RBFOX1: variants seen among roughly 807,000 people sequenced by gnomAD.
RBFOX1 encodes RNA binding protein fox-1 homolog 1.
RBFOX1 carries 8 observed loss-of-function variants against 57.7 expected under a neutral mutation model. That is an observed-to-expected ratio of 0.14 (90% CI 0.08 to 0.25). RBFOX1 has a LOEUF of 0.25. Ranked by LOEUF, RBFOX1 falls within the 10% of genes least tolerant of loss-of-function variation. RBFOX1 has a pLI of 1.00. For synonymous variants in RBFOX1, 326 were observed against 222.4 expected (o/e 1.47, Z -4.15); for missense variants, 611 against 548.5 (o/e 1.11, Z -1.14).
chr16:5,487,800 T>C (rs902070033), intron 2 of RBFOX1, among the ~76,000 whole-genome samples: 1 of 152,240 alleles, frequency 6.6e-6, no homozygotes, highest in South Asian at 2.1e-4. Flanking sequence ...AATGGAATAA[T>C]GATGATGATA....
At chr16:5,775,906 G>C (rs1340094944) in intron 3 of RBFOX1, among the ~76,000 whole-genome samples, 3 of 152,146 alleles carry the variant, frequency 2.0e-5, no homozygotes, top group Non-Finnish European at 2.9e-5. Context: ...TTTTTTAAAG[G>C]TTCTGTCTCT....
chr16:5,499,783 G>A (rs961781933), intron 2 of RBFOX1, among the ~76,000 whole-genome samples: 1 of 152,082 alleles, frequency 6.6e-6, no homozygotes, highest in Non-Finnish European at 1.5e-5. Flanking sequence ...ATGTTGGCCA[G>A]GCTGGTCTTG....
chr16:5,704,781 A>C (rs1458332793), intron 3 of RBFOX1, among the ~76,000 whole-genome samples: 4 of 152,310 alleles, frequency 2.6e-5, no homozygotes, highest in Non-Finnish European at 4.4e-5. Context: ...GTGCTCTGGC[A>C]GCACATATAA....
intron 2 of RBFOX1, among the ~76,000 whole-genome samples, chr16:6,467,244 TAC>T (rs1275383281): frequency 6.6e-6 from 1 of 151,538 alleles, no homozygotes; most frequent in Non-Finnish European, 1.5e-5. Flanking sequence ...ATATATTAAT[TAC>T]AGTTAATGTA....
chr16:6,886,989 C>G (rs914018219), intron 3 of RBFOX1, among the ~76,000 whole-genome samples: 1 of 152,062 alleles, frequency 6.6e-6, no homozygotes, highest in African/African-American at 2.4e-5. Context: ...TGCTCTTGTT[C>G]ATGATAATTT....
intron 7 of RBFOX1, among the ~76,000 whole-genome samples, chr16:7,593,253 G>C (rs959715464): frequency 3.3e-5 from 5 of 152,122 alleles, no homozygotes; most frequent in East Asian, 1.9e-4. Context: ...ACAAAGCAAG[G>C]CTCAGGAATC....
chr16:6,400,507 G>C (rs1305035736), intron 2 of RBFOX1, among the ~76,000 whole-genome samples: 1 of 152,106 alleles, frequency 6.6e-6, no homozygotes, highest in Admixed American at 6.5e-5. Flanking sequence ...GATTTAAAGT[G>C]AATAATCCAA....
At chr16:6,012,095 C>A (rs1397678041) in intron 4 of RBFOX1, among the ~76,000 whole-genome samples, 1 of 152,220 alleles carries the variant, frequency 6.6e-6, no homozygotes. Context: ...TCATTTAATT[C>A]TCCCGACAAT....
intron 3 of RBFOX1, among the ~76,000 whole-genome samples, chr16:6,712,883 G>GTTTTTT (rs61328266): frequency 7.2e-5 from 6 of 83,010 alleles, no homozygotes; most frequent in Admixed American, 1.6e-4. Flanking sequence ...TCATGGGGGT[G>GTTTTTT]TTTTTTTTTT....
chr16:5,716,144 G>A (rs1022872560), intron 3 of RBFOX1, among the ~76,000 whole-genome samples: 2 of 152,236 alleles, frequency 1.3e-5, no homozygotes, highest in East Asian at 1.9e-4. Flanking sequence ...TAAATTTCAC[G>A]TAAACCTTTG....
chr16:6,706,092 C>T (rs138067604), intron 3 of RBFOX1, among the ~76,000 whole-genome samples: 2 of 152,212 alleles, frequency 1.3e-5, no homozygotes, highest in Non-Finnish European at 2.9e-5. Context: ...CTATTAAAAC[C>T]CGGATGCTTA....
At position 6,660,431 on chromosome 16, in the gene RBFOX1, A is replaced by G. The variant is rs111703342; in HGVS notation, c.-16+5781A>G. Among the ~76,000 whole-genome samples the G allele has an allele frequency of 3.8e-3, 580 of 152,228 alleles. 3 individuals carry two copies. Among genetic ancestry groups the G allele is most frequent in the African/African-American group, 0.014 (561 of 41,530 alleles). On this transcript the variant is annotated intron_variant, in intron 3 of 15. Transcript: ENST00000550418. ...TAAAAAAGTAATTCTTGCATAGGTA[A>G]TGGTTAGTAGCTCAGACAAATTAAG... is the stretch of plus-strand genomic sequence containing the variant.
At chr16:6,621,230 G>A (rs1249108221) in intron 2 of RBFOX1, among the ~76,000 whole-genome samples, 2 of 152,200 alleles carry the variant, frequency 1.3e-5, no homozygotes, top group Non-Finnish European at 2.9e-5. Flanking sequence ...GGGAGGCCTA[G>A]GCCGGCGGAT....
rs567890934 is a variant in RBFOX1 at position 5,974,397 on chromosome 16, T to G, written c.351+107062T>G. Among the ~76,000 whole-genome samples, 480 of 151,980 alleles carry G rather than the reference T, an allele frequency of 3.2e-3. 3 individuals carry two copies. The highest frequency in any genetic ancestry group is 0.011 in the African/African-American group (467 of 41,452). ...GCCGAGGCGGGTAGATCATTTGAGGTCAGGAGTTCGAGACCAGCCTGGCCA... is the reference window on the plus strand; with the variant it reads ...GCCGAGGCGGGTAGATCATTTGAGGGCAGGAGTTCGAGACCAGCCTGGCCA... On this transcript the variant is annotated intron_variant, in intron 4 of 19. Transcript: ENST00000641259.
At chr16:5,715,334 G>A (rs1178448440) in intron 3 of RBFOX1, among the ~76,000 whole-genome samples, 4 of 152,128 alleles carry the variant, frequency 2.6e-5, no homozygotes, top group Non-Finnish European at 5.9e-5. Flanking sequence ...TTACTAATAT[G>A]TTCCCTGCCA....
chr16:6,825,138 C>A lies in RBFOX1; in HGVS notation c.-16+170488C>A, dbSNP rs186103758. 7.9e-5 allele frequency among the ~76,000 whole-genome samples: 12 copies of A among 151,022 alleles called. No individual in the cohort carries two copies. In the East Asian group the frequency reaches 2.3e-3, roughly 30 times the overall value. Reference sequence around the variant, plus strand: ...CAGCCTCCCAAGTAGCTAGGATTAACAACCTCACTCAGCACCCTTGGCGTT... The same window carrying A: ...CAGCCTCCCAAGTAGCTAGGATTAAAAACCTCACTCAGCACCCTTGGCGTT... On this transcript the variant is annotated intron_variant, in intron 3 of 15. Transcript: ENST00000550418.
chr16:5,477,738 C>A (rs1275136842), intron 2 of RBFOX1, among the ~76,000 whole-genome samples: 1 of 152,130 alleles, frequency 6.6e-6, no homozygotes, highest in Non-Finnish European at 1.5e-5. Flanking sequence ...GGACGAATTT[C>A]TGTTATGGGT....
chr16:6,289,284 G>GATA (rs2077213614), intron 1 of RBFOX1, among the ~76,000 whole-genome samples: 3 of 151,978 alleles, frequency 2.0e-5, no homozygotes, highest in African/African-American at 4.8e-5. Flanking sequence ...GAAGGGTGGA[G>GATA]GTAGGATGGA....
Position 5,646,182 on chromosome 16 carries a change from A to ATTTT in RBFOX1, c.318+47234_318+47237dup, listed in dbSNP as rs55685218. On this transcript the variant is annotated intron_variant, in intron 3 of 19. Transcript: ENST00000641259. ...GTCGCTGGGATTACAGGCACGTGCT[A>ATTTT]TTTTTTTTTTTTTTTTGTATTTTTA... 2.2e-3 allele frequency among the ~76,000 whole-genome samples: 294 copies of ATTTT among 133,680 alleles called. 9 individuals are homozygous for ATTTT. Among genetic ancestry groups the ATTTT allele is most frequent in the African/African-American group, 3.6e-3 (127 of 35,542 alleles). 87.7% of individuals were successfully genotyped at this position (133,680 alleles called of 152,430 possible). A position where few individuals can be genotyped will look rare whatever the true frequency, so the allele number is the denominator to read the frequency against.
Sources: allele counts gnomAD v4.1 joint callset (sites outside exome capture counted in the v4.1 genomes callset), GRCh38; gene constraint gnomAD v4.1.1; transcripts MANE v1.5; gene names NCBI Gene and HGNC (gene_info 2026-07-23, HGNC 2026-07-21).